Variants in ENAM observed in about 807,000 individuals in gnomAD.
The protein encoded by ENAM is enamelin, also known as amelogenesis imperfecta 2, hypocalcification (autosomal dominant).
A neutral mutation model predicts 33.6 loss-of-function variants in ENAM; 21 were observed. The ratio of observed to expected loss-of-function variants is 0.63; its 90% CI spans 0.44 to 0.90. The LOEUF (loss-of-function observed/expected upper bound fraction) is 0.90. Among genes scored for constraint, ENAM ranks in the 40% least tolerant of loss-of-function variants. The pLI is 0.00. For missense variants in ENAM, 1,388 were observed against 1,366.9 expected (o/e 1.02, Z -0.24); for synonymous variants, 473 against 468.4 (o/e 1.01, Z -0.13).
At chr4:70,640,615 A>C (rs1358681634) in intron 8 of ENAM, among the ~76,000 whole-genome samples, 1 of 152,294 alleles carries the variant, frequency 6.6e-6, no homozygotes, top group East Asian at 1.9e-4. Flanking sequence ...GCACTTACTA[A>C]GTACCAGGCA....
chr4:70,644,672 T>G lies in ENAM; in HGVS notation c.3246T>G (p.Phe1082Leu). 3.7e-6 allele frequency: 6 copies of G among 1,614,132 alleles called. No homozygotes were observed. The South Asian group carries it at 5.5e-5, about 15-fold the overall frequency. Residue 1082 changes from phenylalanine to leucine, a missense_variant, in exon 9 of 9, where the codon TTT (phenylalanine) becomes TTG (leucine). Phe to Leu is a conservative substitution (Grantham distance 22, BLOSUM62 0). Transcript: ENST00000396073. The part of the protein sequence containing the change: ...TPSSDGRQSP[F>L]DGDSITPTEN... ...CTAGCGATGGAAGGCAAAGCCCATT[T>G]GATGGGGATTCAATTACGCCTACTG...
At chr4:70,637,636 C>T (rs899569954) in intron 7 of ENAM, 154 bp from the exon 8 acceptor site, 2 of 709,542 alleles carry the variant, frequency 2.8e-6, no homozygotes, top group African/African-American at 3.5e-5. Flanking sequence ...AGCAGCTGGA[C>T]TGTGAGAGCT....
chr4:70,632,659 G>T lies in ENAM; in HGVS notation c.177G>T (p.Arg59=), dbSNP rs2609429. 1.8e-3 allele frequency: 2,812 copies of T among 1,601,392 alleles called. 34 individuals are homozygous for T. In the African/African-American group the frequency reaches 0.031, roughly 18 times the overall value. The change falls in exon 5 of 9, where the codon CGG becomes CGT. Residue 59 remains arginine (R), a synonymous_variant. Transcript: ENST00000396073. ...GFSSKSEEMM[R]YNQFNFMNGP... is the part of the protein sequence containing the mutation. Reference sequence around the variant, plus strand: ...GATTCCTTTGGTTGCAGATGATGCGGTATAATCAATTCAACTTTATGAACG... The same window carrying T: ...GATTCCTTTGGTTGCAGATGATGCGTTATAATCAATTCAACTTTATGAACG...
At chr4:70,630,415 A>G (rs572389752) in intron 2 of ENAM, among the ~76,000 whole-genome samples, 1 of 152,308 alleles carries the variant, frequency 6.6e-6, no homozygotes, top group African/African-American at 2.4e-5. Context: ...GAAATGGACT[A>G]TATCTGATAT....
intron 8 of ENAM, among the ~76,000 whole-genome samples, chr4:70,639,448 G>A (rs1157915163): frequency 6.6e-6 from 1 of 151,822 alleles, no homozygotes; most frequent in African/African-American, 2.4e-5. Context: ...AAATTAGCCG[G>A]GTATGGTGGT....
At chr4:70,631,400 C>T (rs1738315788) in intron 2 of ENAM, among the ~76,000 whole-genome samples, 1 of 152,064 alleles carries the variant, frequency 6.6e-6, no homozygotes, top group Admixed American at 6.6e-5. Context: ...CTCTGTCTCT[C>T]TCTCTTTCCC....
chr4:70,629,394 A>G (rs1270129988), intron 1 of ENAM, 47 bp from the exon 2 acceptor site: 5 of 869,212 alleles, frequency 5.8e-6, no homozygotes, highest in Non-Finnish European at 9.9e-6. Context: ...CTTAGAACTG[A>G]AGCTTTGCTA....
In ENAM at chr4:70,644,528, A is replaced by C; in HGVS notation, c.3102A>C (p.Gln1034His). 6.2e-7 allele frequency: 1 copy of C among 1,614,080 alleles called. No individual in the cohort carries two copies. The highest frequency in any genetic ancestry group is 8.5e-7 in the Non-Finnish European group (1 of 1,179,962). ...AAGGCTCCAATCCAGAAGGCATCCA[A>C]AGTCAAGTCCAAGAAAATGAGAGTG... ...PDEGSNPEGI[Q>H]SQVQENESER... The change falls in exon 9 of 9, where the codon CAA becomes CAC. Residue 1034 changes from glutamine to histidine, a missense_variant. Transcript: ENST00000396073.
intron 5 of ENAM, among the ~76,000 whole-genome samples, chr4:70,632,968 A>G (rs1297262464): frequency 6.6e-6 from 1 of 152,112 alleles, no homozygotes; most frequent in Non-Finnish European, 1.5e-5. Context: ...TCAAGAAAAG[A>G]TGGTTCTGGG....
In ENAM at chr4:70,642,780, A is replaced by C; in HGVS notation, c.1354A>C (p.Lys452Gln). ...GPKEQIIVPT[K>Q]NPTSPWRNSQ... ...AAAAGAACAAATAATAGTTCCTACA[A>C]AGAATCCAACCAGCCCCTGGAGAAA... The change falls in exon 9 of 9, where the codon AAG (lysine) becomes CAG (glutamine). Residue 452 changes from lysine to glutamine, a missense_variant. Coordinates refer to ENST00000396073, the MANE Select transcript of ENAM (RefSeq NM_031889.3). The C allele has an allele frequency of 6.2e-7, 1 of 1,613,484 alleles. No homozygotes were observed. The highest frequency in any genetic ancestry group is 2.2e-5 in the East Asian group (1 of 44,870).
At chr4:70,641,000 T>A (rs1384014523) in intron 8 of ENAM, among the ~76,000 whole-genome samples, 1 of 152,210 alleles carries the variant, frequency 6.6e-6, no homozygotes, top group Admixed American at 6.5e-5. Context: ...AGAAAACTAC[T>A]GTAACAGTTC....
rs186268089 is a variant in ENAM at position 70,643,658 on chromosome 4, G to C, written c.2232G>C (p.Arg744Ser). ...CTATGCCACCACCTATAGAGAGCAG[G>C]GGCTACTACGTTAATAATGCCGCTG... ...ASTMPPPIES[R>S]GYYVNNAAGP... The change falls in exon 9 of 9, where the codon AGG (arginine) becomes AGC (serine). Residue 744 changes from arginine (R) to serine (S), a missense_variant. Transcript: ENST00000396073. The C allele has an allele frequency of 3.1e-6, 5 of 1,614,044 alleles. No homozygotes were observed. The South Asian group carries it at 5.5e-5, about 18-fold the overall frequency.
At position 70,642,676 on chromosome 4, in the gene ENAM, T is replaced by G; in HGVS notation, c.1250T>G (p.Val417Gly). The G allele has an allele frequency of 6.2e-7, 1 of 1,611,460 alleles. No individual in the cohort carries two copies. The highest frequency in any genetic ancestry group is 8.5e-7 in the Non-Finnish European group (1 of 1,179,076). Reference sequence around the variant, plus strand: ...AATAAACACCCTGTAGGAACTACTGTTGCCCCACTGGGTCCCAAACCTGGC... The same window carrying G: ...AATAAACACCCTGTAGGAACTACTGGTGCCCCACTGGGTCCCAAACCTGGC... Reference protein sequence around the residue: ...GPNKHPVGTTVAPLGPKPGPV... With the variant: ...GPNKHPVGTTGAPLGPKPGPV... Residue 417 changes from valine to glycine, a missense_variant, in exon 9 of 9, where the codon GTT becomes GGT. Transcript: ENST00000396073.
At chr4:70,636,392 T>C (rs1227613725) in intron 7 of ENAM, among the ~76,000 whole-genome samples, 1 of 152,100 alleles carries the variant, frequency 6.6e-6, no homozygotes, top group Non-Finnish European at 1.5e-5. Context: ...CCCAGCACTT[T>C]GGGAGGCCGA....
chr4:70,641,681 TAA>T (rs559088791), intron 8 of ENAM, among the ~76,000 whole-genome samples: 1 of 151,872 alleles, frequency 6.6e-6, no homozygotes, highest in African/African-American at 2.4e-5. Context: ...ATAGAATTCT[TAA>T]AAGAGGTATG....
intron 8 of ENAM, among the ~76,000 whole-genome samples, chr4:70,638,322 A>C (rs1452057732): frequency 6.6e-6 from 1 of 151,946 alleles, no homozygotes; most frequent in Non-Finnish European, 1.5e-5. Context: ...CTAAAAAGTC[A>C]TTTTAGTGAT....
chr4:70,636,812 G>A (rs1449305505), intron 7 of ENAM, among the ~76,000 whole-genome samples: 1 of 149,990 alleles, frequency 6.7e-6, no homozygotes, highest in Non-Finnish European at 1.5e-5. Flanking sequence ...TTTACAAGAA[G>A]CCTCAAAGAA....
At chr4:70,637,121 A>G (rs1301461294) in intron 7 of ENAM, among the ~76,000 whole-genome samples, 2 of 152,224 alleles carry the variant, frequency 1.3e-5, no homozygotes, top group South Asian at 2.1e-4. Context: ...TTTACTGGCT[A>G]TGCTGAACTA....
chr4:70,633,690 A>T (rs1436479410), intron 5 of ENAM, among the ~76,000 whole-genome samples: 1 of 152,178 alleles, frequency 6.6e-6, no homozygotes, highest in South Asian at 2.1e-4. Context: ...ATAAATTATC[A>T]TAAATTTATA....
Sources: gnomAD v4.1 joint callset for allele counts (sites outside exome capture counted in the v4.1 genomes callset) on GRCh38, gnomAD v4.1.1 for gene constraint, MANE v1.5 for transcripts, NCBI Gene and HGNC (gene_info 2026-07-23, HGNC 2026-07-21) for gene names.